Variants in SNTG2 observed in about 807,000 individuals in gnomAD.
The protein encoded by SNTG2 is syntrophin gamma 2.
A neutral mutation model predicts 70.9 loss-of-function variants in SNTG2; 74 were observed. That is an observed-to-expected ratio of 1.04 (90% confidence interval 0.86 to 1.27). The LOEUF is 1.27. Among genes scored for constraint, SNTG2 ranks in the 50% most tolerant of loss-of-function variants. The pLI is 0.00. For missense variants in SNTG2, 717 were observed against 690.7 expected (o/e 1.04, Z -0.43); for synonymous variants, 278 against 273.8 (o/e 1.02, Z -0.15).
rs116282715 is a variant in SNTG2 at position 1,086,401 on chromosome 2, C to A, written c.210+2746C>A. ...AGTGAACTTGAAAAACAATCTGTCC[C>A]TTAGAAAGGGACAGTCAGAACATTC... On this transcript the variant is annotated intron_variant, in intron 2 of 16. Coordinates refer to ENST00000308624, the MANE Select transcript of SNTG2 (RefSeq NM_018968.4). 9.5e-3 allele frequency among the ~76,000 whole-genome samples: 1,454 copies of A among 152,280 alleles called. 35 individuals carry two copies. The highest frequency in any genetic ancestry group is 0.033 in the African/African-American group (1,377 of 41,554).
rs150125878 is a variant in SNTG2, at chr2:990,792, T to C, written c.72+39724T>C. Among the ~76,000 whole-genome samples the C allele has an allele frequency of 2.5e-3, 384 of 152,264 alleles. 2 individuals carry two copies. The highest frequency in any genetic ancestry group is 8.7e-3 in the African/African-American group (360 of 41,540). On this transcript the variant is annotated intron_variant, in intron 1 of 16. Coordinates refer to ENST00000308624, the MANE Select transcript of SNTG2 (RefSeq NM_018968.4). ...CAATAAAATTGGTGTACAATAACTC[T>C]TTTTATATCATTCCTAATTCTGGAA...
chr2:1,143,803 G>T (rs957601650), intron 6 of SNTG2, among the ~76,000 whole-genome samples: 2 of 151,062 alleles, frequency 1.3e-5, no homozygotes, highest in Admixed American at 1.3e-4. Context: ...AGCCCGGGAG[G>T]CAGAGGCTGC....
chr2:1,224,234 C>T (rs1330327937), intron 9 of SNTG2, among the ~76,000 whole-genome samples: 2 of 152,196 alleles, frequency 1.3e-5, no homozygotes, highest in African/African-American at 4.8e-5. Flanking sequence ...CACGTTCAAT[C>T]CACTGGGAAT....
chr2:1,223,362 C>G (rs1448499809), intron 9 of SNTG2, among the ~76,000 whole-genome samples: 3 of 144,746 alleles, frequency 2.1e-5, no homozygotes, highest in Admixed American at 1.4e-4. Context: ...CCCTGTCCTG[C>G]CGTGGAGGTG....
intron 1 of SNTG2, among the ~76,000 whole-genome samples, chr2:990,569 C>T (rs1422840436): frequency 6.6e-6 from 1 of 152,136 alleles, no homozygotes; most frequent in Non-Finnish European, 1.5e-5. Context: ...CTCCCAAAGA[C>T]CCCACCTCCT....
At chr2:1,250,729 CTT>C (rs992881217) in intron 12 of SNTG2, among the ~76,000 whole-genome samples, 15 of 151,658 alleles carry the variant, frequency 9.9e-5, no homozygotes. Context: ...CTCTCCCTCT[CTT>C]TGTCTTTCTC....
chr2:1,279,005 G>A (rs1173255360), intron 14 of SNTG2, among the ~76,000 whole-genome samples: 1 of 80,226 alleles, frequency 1.2e-5, no homozygotes, highest in Non-Finnish European at 3.0e-5. Context: ...CTGTCAGTGC[G>A]TGAATAACCG....
intron 1 of SNTG2, among the ~76,000 whole-genome samples, chr2:1,055,101 G>T (rs1316516012): frequency 2.0e-5 from 3 of 152,196 alleles, no homozygotes; most frequent in African/African-American, 7.2e-5. Flanking sequence ...AGGTACTGCT[G>T]TGTGTTGCTA....
intron 14 of SNTG2, among the ~76,000 whole-genome samples, chr2:1,294,820 A>T (rs927199726): frequency 2.2e-4 from 34 of 152,250 alleles, no homozygotes; most frequent in Admixed American, 9.8e-4. Flanking sequence ...AGTGAGTGTC[A>T]TCGTTTGCTT....
intron 1 of SNTG2, among the ~76,000 whole-genome samples, chr2:1,027,177 G>A (rs796116402): frequency 8.5e-5 from 13 of 152,262 alleles, no homozygotes; most frequent in South Asian, 2.1e-4. Context: ...CAGGGATCTC[G>A]TCTGCTTGTT....
At chr2:1,236,729 T>C (rs991903250) in intron 9 of SNTG2, among the ~76,000 whole-genome samples, 8 of 152,222 alleles carry the variant, frequency 5.3e-5, no homozygotes, top group African/African-American at 1.9e-4. Flanking sequence ...AACTGTGTTA[T>C]ACCATCTCTG....
chr2:1,113,159 G>GCT lies in SNTG2; in HGVS notation c.325+14749_325+14750insCT, dbSNP rs1666630859. On this transcript the variant is annotated intron_variant, in intron 4 of 16. Coordinates refer to ENST00000308624, the MANE Select transcript of SNTG2 (RefSeq NM_018968.4). ...TACAGTCCTTTGAGGAGGATCGTGG[G>GCT]TACTAAGTGAGGTTTAACCCTTACA... Among the ~76,000 whole-genome samples the GCT allele has an allele frequency of 1.3e-5, 2 of 151,236 alleles. 1 individual carries two copies. Among genetic ancestry groups the GCT allele is most frequent in the East Asian group, 4.0e-4 (2 of 5,050 alleles).
chr2:1,156,029 G>A (rs2147824507), intron 6 of SNTG2, among the ~76,000 whole-genome samples: 1 of 152,286 alleles, frequency 6.6e-6, no homozygotes, highest in Admixed American at 6.5e-5. Context: ...ACCCCGCCGA[G>A]GAGACAACAG....
At chr2:1,281,681 A>G (rs1298965662) in intron 14 of SNTG2, among the ~76,000 whole-genome samples, 1 of 152,126 alleles carries the variant, frequency 6.6e-6, no homozygotes, top group Non-Finnish European at 1.5e-5. Flanking sequence ...CATGGCTGTG[A>G]TGAAGGTGAA....
intron 16 of SNTG2, among the ~76,000 whole-genome samples, chr2:1,361,874 A>ATTGATG (rs1558232482): frequency 6.7e-5 from 7 of 104,584 alleles, no homozygotes; most frequent in Non-Finnish European, 1.1e-4. Flanking sequence ...CATGAAAGTC[A>ATTGATG]CCAACGCTGA....
chr2:1,235,460 C>A (rs1312495032), intron 9 of SNTG2, among the ~76,000 whole-genome samples: 2 of 92,906 alleles, frequency 2.2e-5, no homozygotes, highest in Non-Finnish European at 4.2e-5. Flanking sequence ...CTACCCCATG[C>A]TGCCCTGAGG....
At chr2:1,299,374 A>G (rs1680354715) in intron 14 of SNTG2, among the ~76,000 whole-genome samples, 1 of 152,194 alleles carries the variant, frequency 6.6e-6, no homozygotes, top group African/African-American at 2.4e-5. Context: ...GAACTCCCTC[A>G]GGTTCAGAAG....
At chr2:1,249,622 G>GA (rs1305424942) in intron 12 of SNTG2, among the ~76,000 whole-genome samples, 1 of 152,140 alleles carries the variant, frequency 6.6e-6, no homozygotes, top group African/African-American at 2.4e-5. Context: ...GACTTTGCCT[G>GA]AAAAAAGTAA....
At chr2:1,236,216 T>C (rs1205639459) in intron 9 of SNTG2, among the ~76,000 whole-genome samples, 3 of 152,258 alleles carry the variant, frequency 2.0e-5, no homozygotes, top group African/African-American at 4.8e-5. Context: ...AGTGTAGATA[T>C]AAGTCTGTCA....
Sources: allele counts gnomAD v4.1 joint callset (sites outside exome capture counted in the v4.1 genomes callset), GRCh38; gene constraint gnomAD v4.1.1; transcripts MANE v1.5; gene names NCBI Gene and HGNC (gene_info 2026-07-23, HGNC 2026-07-21).